Variants in NDST3 observed in about 807,000 individuals in gnomAD.
The protein encoded by NDST3 is bifunctional heparan sulfate N-deacetylase/N-sulfotransferase 3.
Under a neutral mutation model 96.1 loss-of-function variants are expected in NDST3, and 58 were observed. The ratio of observed to expected loss-of-function variants is 0.60; its 90% CI spans 0.49 to 0.75. The LOEUF is 0.75. Ranked by LOEUF, NDST3 falls within the 30% of genes least tolerant of loss-of-function variation. The pLI is 0.00. For synonymous variants in NDST3, 333 were observed against 359.7 expected (o/e 0.93, Z 0.84); for missense variants, 788 against 1,034.2 (o/e 0.76, Z 3.27).
Position 118,053,758 on chromosome 4 carries a change from T to C in NDST3, c.-153T>C. 1.1e-5 allele frequency: 8 copies of C among 743,918 alleles called. No individual in the cohort carries two copies. The highest frequency in any genetic ancestry group is 1.7e-5 in the Non-Finnish European group (8 of 483,482). The allele number at this position is 743,918 out of a possible 1,614,324, so 46.1% of individuals were successfully genotyped here. A position where few individuals can be genotyped will look rare whatever the true frequency, so the allele number is the denominator to read the frequency against. ...TTATATTCTTTTCTATTTTTCAGAC[T>C]GTATTTTCTGTGAGTCCTGATCAAG... On this transcript the variant is annotated splice_region_variant and 5_prime_UTR_variant, in exon 2 of 14. Coordinates refer to ENST00000296499, the MANE Select transcript of NDST3 (RefSeq NM_004784.3).
chr4:118,045,390 C>T (rs915292492), intron 1 of NDST3, among the ~76,000 whole-genome samples: 2 of 152,136 alleles, frequency 1.3e-5, no homozygotes, highest in African/African-American at 4.8e-5. Flanking sequence ...TTGTCACTAT[C>T]TCTGCTTTAT....
At chr4:118,212,271 C>T (rs1449942811) in intron 6 of NDST3, among the ~76,000 whole-genome samples, 1 of 152,242 alleles carries the variant, frequency 6.6e-6, no homozygotes, top group Non-Finnish European at 1.5e-5. Flanking sequence ...GGCCAGGCCT[C>T]ATGCCTGTAA....
intron 12 of NDST3, 131 bp from the exon 13 acceptor site, chr4:118,253,368 G>T: frequency 1.8e-6 from 1 of 558,674 alleles, no homozygotes; most frequent in Non-Finnish European, 3.2e-6. Flanking sequence ...CAGTTTCTCT[G>T]GTTATAGATT....
In NDST3 at chr4:118,126,233, T is replaced by C. The variant is rs1732048765; in HGVS notation, c.1224+11273T>C. Reference sequence around the variant, plus strand: ...TTATTCATGCTTTCTAATTATATTTTGTGCTCATTAATCATGCCCACCTCC... The same window carrying C: ...TTATTCATGCTTTCTAATTATATTTCGTGCTCATTAATCATGCCCACCTCC... On this transcript the variant is annotated intron_variant, in intron 4 of 13. Coordinates refer to ENST00000296499, the MANE Select transcript of NDST3 (RefSeq NM_004784.3). Among the ~76,000 whole-genome samples the C allele has an allele frequency of 2.6e-5, 4 of 152,222 alleles. No individual in the cohort carries two copies. The South Asian group carries it at 8.3e-4, about 32-fold the overall frequency.
At chr4:118,115,925 A>G (rs1208100543) in intron 4 of NDST3, among the ~76,000 whole-genome samples, 1 of 152,178 alleles carries the variant, frequency 6.6e-6, no homozygotes, top group East Asian at 1.9e-4. Flanking sequence ...CCAAATAAAC[A>G]AACAGCTTCA....
chr4:118,213,736 CTTT>C (rs915945382), intron 6 of NDST3, among the ~76,000 whole-genome samples: 1 of 149,816 alleles, frequency 6.7e-6, no homozygotes, highest in Non-Finnish European at 1.5e-5. Context: ...ATAATATATA[CTTT>C]TTTATATAAA....
At chr4:118,251,056 T>A (rs1578876183) in intron 12 of NDST3, among the ~76,000 whole-genome samples, 1 of 149,730 alleles carries the variant, frequency 6.7e-6, no homozygotes, top group East Asian at 1.9e-4. Context: ...CTATGTTTTC[T>A]TTCAGAATTT....
intron 10 of NDST3, among the ~76,000 whole-genome samples, chr4:118,239,059 C>T (rs576102876): frequency 6.6e-6 from 1 of 152,152 alleles, no homozygotes; most frequent in Non-Finnish European, 1.5e-5. Context: ...TGTACAAAAA[C>T]CTCTAATCTG....
At chr4:118,228,601 T>C (rs977670856) in intron 8 of NDST3, among the ~76,000 whole-genome samples, 4 of 152,232 alleles carry the variant, frequency 2.6e-5, no homozygotes, top group African/African-American at 9.6e-5. Flanking sequence ...GAATATAATT[T>C]ACATGCAATA....
intron 1 of NDST3, among the ~76,000 whole-genome samples, chr4:118,034,947 T>G (rs1724064397): frequency 6.6e-6 from 1 of 152,168 alleles, no homozygotes; most frequent in South Asian, 2.1e-4. Flanking sequence ...TATCAGAGAC[T>G]TTAAACTACC....
At chr4:118,144,853 A>G (rs1662163896) in intron 6 of NDST3, among the ~76,000 whole-genome samples, 1 of 152,200 alleles carries the variant, frequency 6.6e-6, no homozygotes, top group African/African-American at 2.4e-5. Flanking sequence ...ATAAAATTGC[A>G]GATAGTGTTC....
intron 12 of NDST3, among the ~76,000 whole-genome samples, chr4:118,251,132 T>A (rs1741697073): frequency 7.8e-6 from 1 of 128,184 alleles, no homozygotes; most frequent in Non-Finnish European, 1.6e-5. Context: ...TTTATTTTAT[T>A]TTTTTTTTTT....
At chr4:118,139,396 T>A (rs983887240) in intron 5 of NDST3, among the ~76,000 whole-genome samples, 1 of 152,256 alleles carries the variant, frequency 6.6e-6, no homozygotes, top group African/African-American at 2.4e-5. Flanking sequence ...ACTGTCCCTG[T>A]GGATCTGCTT....
intron 4 of NDST3, among the ~76,000 whole-genome samples, chr4:118,132,477 A>G (rs1053120656): frequency 9.2e-5 from 14 of 152,016 alleles, no homozygotes; most frequent in Non-Finnish European, 7.4e-5. Flanking sequence ...TTCCCCTCTG[A>G]CCCACAGAAG....
At chr4:118,084,086 T>G (rs1031837090) in intron 2 of NDST3, among the ~76,000 whole-genome samples, 3 of 152,170 alleles carry the variant, frequency 2.0e-5, no homozygotes, top group African/African-American at 7.2e-5. Flanking sequence ...AAGATGTAAT[T>G]CAGAGGATAC....
chr4:118,079,372 G>C (rs1347686756), intron 2 of NDST3, among the ~76,000 whole-genome samples: 1 of 152,188 alleles, frequency 6.6e-6, no homozygotes, highest in South Asian at 2.1e-4. Flanking sequence ...GAAGCTGAAA[G>C]GGAAATCTTC....
intron 6 of NDST3, among the ~76,000 whole-genome samples, chr4:118,181,687 A>T (rs1736619625): frequency 6.6e-6 from 1 of 152,176 alleles, no homozygotes; most frequent in Non-Finnish European, 1.5e-5. Flanking sequence ...CAAACAGCAA[A>T]TATTCTTGGC....
chr4:118,068,430 C>T (rs909108938), intron 2 of NDST3, among the ~76,000 whole-genome samples: 2 of 152,036 alleles, frequency 1.3e-5, no homozygotes, highest in South Asian at 2.1e-4. Context: ...TTCAAGAATT[C>T]GTCACTAGTT....
At chr4:118,128,420 T>A (rs1732309227) in intron 4 of NDST3, among the ~76,000 whole-genome samples, 1 of 152,044 alleles carries the variant, frequency 6.6e-6, no homozygotes, top group Admixed American at 6.6e-5. Context: ...TATCAAATGC[T>A]TTTTCAGCAT....
Sources: allele counts gnomAD v4.1 joint callset (sites outside exome capture counted in the v4.1 genomes callset), GRCh38; gene constraint gnomAD v4.1.1; transcripts MANE v1.5; gene names NCBI Gene and HGNC (gene_info 2026-07-23, HGNC 2026-07-21).